SPATS2: variants seen among roughly 807,000 people sequenced by gnomAD.
The protein encoded by SPATS2 is spermatogenesis-associated serine-rich protein 2.
Under a neutral mutation model 63.7 loss-of-function variants are expected in SPATS2, and 38 were observed. The ratio of observed to expected loss-of-function variants is 0.60; its 90% confidence interval spans 0.46 to 0.78. The LOEUF (loss-of-function observed/expected upper bound fraction) is 0.78, where lower values mean the gene tolerates loss of function less well. Among genes scored for constraint, SPATS2 ranks in the 30% least tolerant of loss-of-function variants. The pLI, the probability that SPATS2 is intolerant of heterozygous loss-of-function variation, is 0.00. For missense variants in SPATS2, 588 were observed against 666.2 expected (o/e 0.88, Z 1.29); for synonymous variants, 207 against 232.9 (o/e 0.89, Z 1.01).
chr12:49,440,772 T>C (rs1006320880), intron 2 of SPATS2, among the ~76,000 whole-genome samples: 1 of 152,200 alleles, frequency 6.6e-6, no homozygotes, highest in Non-Finnish European at 1.5e-5. Context: ...TGGCCAATAT[T>C]TTTTAATAAA....
At chr12:49,488,745 A>G (rs1321864015) in intron 4 of SPATS2, among the ~76,000 whole-genome samples, 2 of 152,176 alleles carry the variant, frequency 1.3e-5, no homozygotes. Flanking sequence ...AGATAAATAT[A>G]TATGATATAA....
At chr12:49,397,721 G>A (rs1218729196) in intron 2 of SPATS2, among the ~76,000 whole-genome samples, 1 of 151,362 alleles carries the variant, frequency 6.6e-6, no homozygotes, top group Admixed American at 6.6e-5. Context: ...TGTTAACTAC[G>A]TGGAAGGCTG....
chr12:49,432,773 T>C (rs1945207629), intron 2 of SPATS2, among the ~76,000 whole-genome samples: 1 of 152,236 alleles, frequency 6.6e-6, no homozygotes, highest in Non-Finnish European at 1.5e-5. Context: ...TTTTAAAGGC[T>C]GAATAATATT....
At chr12:49,379,730 C>G (rs985613856) in intron 2 of SPATS2, among the ~76,000 whole-genome samples, 1 of 147,100 alleles carries the variant, frequency 6.8e-6, no homozygotes, top group Non-Finnish European at 1.5e-5. Context: ...TCAAGTGATT[C>G]TCCTGTCTGA....
chr12:49,405,401 A>G (rs1216158637), intron 2 of SPATS2, among the ~76,000 whole-genome samples: 1 of 152,188 alleles, frequency 6.6e-6, no homozygotes, highest in Non-Finnish European at 1.5e-5. Flanking sequence ...TCTCTCAAAA[A>G]GAGACTTGAG....
chr12:49,509,435 A>G (rs1946711365), intron 9 of SPATS2, among the ~76,000 whole-genome samples: 1 of 151,604 alleles, frequency 6.6e-6, no homozygotes, highest in Admixed American at 6.6e-5. Flanking sequence ...CGCACGCCAC[A>G]TTTTTGTACT....
chr12:49,522,942 T>TA lies in SPATS2; in HGVS notation c.1111+90dup, dbSNP rs1468738934. The TA allele has an allele frequency of 7.5e-6, 8 of 1,073,010 alleles. No individual in the cohort carries two copies. In the African/African-American group the frequency reaches 1.1e-4, roughly 15 times the overall value. 66.5% of individuals were successfully genotyped at this position (1,073,010 alleles called of 1,614,324 possible). On this transcript the variant is annotated intron_variant, in intron 12 of 13. Coordinates refer to ENST00000552918, the MANE Select transcript of SPATS2 (RefSeq NM_023071.4). ...ATTGTCTTCACCACTGATTCCTCAT[T>TA]AGTGCCTCTTGTTTGCTTGTTTATA...
chr12:49,374,090 A>T (rs538616713), intron 2 of SPATS2, among the ~76,000 whole-genome samples: 106 of 145,798 alleles, frequency 7.3e-4, no homozygotes, highest in African/African-American at 2.6e-3. Context: ...TCTAAACAAT[A>T]AAAAAAAAAA....
chr12:49,455,172 C>T (rs1311275328), intron 2 of SPATS2, among the ~76,000 whole-genome samples: 1 of 151,956 alleles, frequency 6.6e-6, no homozygotes, highest in Non-Finnish European at 1.5e-5. Context: ...GGTCAGTTAG[C>T]GATTGGTTAA....
intron 2 of SPATS2, among the ~76,000 whole-genome samples, chr12:49,398,233 C>T (rs1275839619): frequency 1.3e-5 from 2 of 150,824 alleles, no homozygotes; most frequent in Admixed American, 1.3e-4. Flanking sequence ...GGATGGGGGC[C>T]AGACTAGGGC....
intron 3 of SPATS2, among the ~76,000 whole-genome samples, chr12:49,466,561 C>G (rs1023679392): frequency 6.6e-6 from 1 of 152,194 alleles, no homozygotes; most frequent in African/African-American, 2.4e-5. Flanking sequence ...CGAGGCTATC[C>G]TTTCCTCCAT....
At chr12:49,474,200 G>A (rs1592434932) in intron 3 of SPATS2, among the ~76,000 whole-genome samples, 1 of 152,292 alleles carries the variant, frequency 6.6e-6, no homozygotes, top group East Asian at 1.9e-4. Flanking sequence ...TACATAGAGT[G>A]TCTCTTATCT....
intron 3 of SPATS2, among the ~76,000 whole-genome samples, chr12:49,473,065 GACA>G (rs1445985878): frequency 1.4e-5 from 2 of 143,718 alleles, no homozygotes; most frequent in Admixed American, 7.0e-5. Flanking sequence ...AAAAAAAAAA[GACA>G]ACAACAACCA....
intron 3 of SPATS2, among the ~76,000 whole-genome samples, chr12:49,472,167 T>A (rs547846903): frequency 6.6e-6 from 1 of 152,134 alleles, no homozygotes; most frequent in South Asian, 2.1e-4. Flanking sequence ...CAAAAATTTA[T>A]TATTGAAAAG....
intron 3 of SPATS2, among the ~76,000 whole-genome samples, chr12:49,467,177 T>G (rs905188225): frequency 1.3e-5 from 2 of 148,578 alleles, no homozygotes; most frequent in African/African-American, 4.9e-5. Context: ...AACCTCCCGA[T>G]AGCTGGGACT....
chr12:49,462,168 T>C, intron 3 of SPATS2: 1 of 606,790 alleles, frequency 1.6e-6, no homozygotes, highest in Non-Finnish European at 3.0e-6. Context: ...ATGTCTGTGT[T>C]TTGCCAGAGC....
At chr12:49,472,611 T>TTA (rs139641031) in intron 3 of SPATS2, among the ~76,000 whole-genome samples, 29,833 of 144,980 alleles carry the variant, frequency 0.21, 4,476 homozygotes, top group African/African-American at 0.43. Context: ...TTTATATATT[T>TTA]TATATATATA....
chr12:49,506,485 A>G (rs1164877071), intron 9 of SPATS2, among the ~76,000 whole-genome samples: 1 of 152,218 alleles, frequency 6.6e-6, no homozygotes, highest in Non-Finnish European at 1.5e-5. Context: ...CTACTACCAC[A>G]AAAACAGTAT....
At chr12:49,395,163 A>G (rs1944487235) in intron 2 of SPATS2, among the ~76,000 whole-genome samples, 1 of 151,752 alleles carries the variant, frequency 6.6e-6, no homozygotes, top group African/African-American at 2.4e-5. Flanking sequence ...TTTTTAATTT[A>G]AAGTATTTTT....
Sources: gnomAD v4.1 joint callset for allele counts (sites outside exome capture counted in the v4.1 genomes callset) on GRCh38, gnomAD v4.1.1 for gene constraint, MANE v1.5 for transcripts, NCBI Gene and HGNC (gene_info 2026-07-23, HGNC 2026-07-21) for gene names.